The following RNF126 variants were observed in gnomAD, a reference collection of about 807,000 sequenced individuals.
RNF126 encodes ring finger protein 126.
Under a neutral mutation model 41.9 loss-of-function variants are expected in RNF126, and 20 were observed. That is an observed-to-expected ratio of 0.48 (90% CI 0.34 to 0.69). The LOEUF (loss-of-function observed/expected upper bound fraction) is 0.69. RNF126 is among the 30% of genes least tolerant of loss of function. RNF126 has a pLI of 0.01. For missense variants in RNF126, 433 were observed against 460.6 expected (o/e 0.94, Z 0.55); for synonymous variants, 239 against 202.9 (o/e 1.18, Z -1.51).
Position 650,242 on chromosome 19 carries a change from C to T in RNF126, c.498G>A (p.Leu166=). Reference sequence around the variant, plus strand: ...CACCCCCACCCACTCACCAGGGGCCCAGGCTGGGGATGGTGGCGGGCGTGA... The same window carrying T: ...CACCCCCACCCACTCACCAGGGGCCTAGGCTGGGGATGGTGGCGGGCGTGA... ...GIITPATIPS[L]GPWGVLHSNP... Residue 166 remains leucine, a synonymous_variant, in exon 5 of 9, where the codon CTG becomes CTA. Coordinates refer to ENST00000292363, the MANE Select transcript of RNF126 (RefSeq NM_194460.3). 6.3e-7 allele frequency: 1 copy of T among 1,579,610 alleles called. No individual in the cohort carries two copies. Among genetic ancestry groups the T allele is most frequent in the African/African-American group, 1.3e-5 (1 of 74,886 alleles).
rs1441300614 is a variant in RNF126 at position 651,592 on chromosome 19, A to AC, written c.443+18dup. ...CTCAAGGCGTGGGGCCCTCGCGGCC[A>AC]CCCCCGGGGCCCCCTCACCCTTCCA... is the stretch of plus-strand genomic sequence containing the variant. On this transcript the variant is annotated intron_variant, in intron 4 of 8. Transcript: ENST00000292363. 1 of 1,397,374 alleles carries AC rather than the reference A, an allele frequency of 7.2e-7. No individual in the cohort carries two copies. The highest frequency in any genetic ancestry group is 1.6e-5 in the South Asian group (1 of 62,362). 86.6% of individuals were successfully genotyped at this position (1,397,374 alleles called of 1,614,324 possible). A position where few individuals can be genotyped will look rare whatever the true frequency, so the allele number is the denominator to read the frequency against.
At position 651,502 on chromosome 19, in the gene RNF126, A is replaced by G. The variant is rs941513265; in HGVS notation, c.443+109T>C. 3.1e-5 allele frequency: 36 copies of G among 1,161,402 alleles called. No homozygotes were observed. The African/African-American group carries it at 5.4e-4, about 17-fold the overall frequency. 71.9% of individuals were successfully genotyped at this position (1,161,402 alleles called of 1,614,324 possible). ...GCCTGGCCGGGCGGCCTCTCCAGAG[A>G]GCCTATGGATGATGCCACGTTTCCG... On this transcript the variant is annotated intron_variant, in intron 4 of 8. Transcript: ENST00000292363.
chr19:662,182 G>A (rs1462886893), intron 1 of RNF126, among the ~76,000 whole-genome samples: 1 of 152,148 alleles, frequency 6.6e-6, no homozygotes, highest in Admixed American at 6.5e-5. Flanking sequence ...GCAGACTGCT[G>A]AGCGCATTCC....
intron 1 of RNF126, among the ~76,000 whole-genome samples, chr19:657,975 G>C (rs1471952672): frequency 6.6e-6 from 1 of 152,064 alleles, no homozygotes; most frequent in Non-Finnish European, 1.5e-5. Flanking sequence ...CTGGGCAAGG[G>C]GGCCTGGTGA....
intron 1 of RNF126, among the ~76,000 whole-genome samples, chr19:657,638 G>A (rs1206123602): frequency 1.3e-5 from 2 of 152,222 alleles, no homozygotes; most frequent in South Asian, 2.1e-4. Context: ...ACAGAGGACA[G>A]CCTGGACACT....
intron 1 of RNF126, among the ~76,000 whole-genome samples, chr19:658,354 G>A (rs187640705): frequency 1.3e-5 from 2 of 150,220 alleles, no homozygotes; most frequent in Admixed American, 6.6e-5. Context: ...GGCCCCAGAT[G>A]ACTGACAGTG....
chr19:649,224 G>A (rs2030140323), intron 6 of RNF126: 1 of 257,566 alleles, frequency 3.9e-6, no homozygotes, highest in African/African-American at 2.2e-5. Flanking sequence ...GCGGAATGGG[G>A]GGGGGGGCCG....
At chr19:655,794 C>T (rs754431578) in intron 1 of RNF126, among the ~76,000 whole-genome samples, 1 of 152,122 alleles carries the variant, frequency 6.6e-6, no homozygotes, top group Admixed American at 6.6e-5. Flanking sequence ...TCATCGTCGT[C>T]GGCAGATGCA....
Position 648,377 on chromosome 19 carries a change from C to G in RNF126, c.781G>C (p.Glu261Gln). Residue 261 changes from glutamate to glutamine, a missense_variant, in exon 8 of 9, where the codon GAG (glutamate) becomes CAG (glutamine). Around this residue, in one of 5 missense-constraint regions of RNF126, gnomAD observed 97 missense variants for 121.7 expected, o/e 0.80. Coordinates refer to ENST00000292363, the MANE Select transcript of RNF126 (RefSeq NM_194460.3). Reference protein sequence around the residue: ...FHDGCIVPWLEQHDSCPVCRK... With the variant: ...FHDGCIVPWLQQHDSCPVCRK... ...CGGGTGGGCGGGGCACTCACCTGCT[C>G]CAGCCAGGGCACGATGCAGCCGTCG... 6.5e-7 allele frequency: 1 copy of G among 1,541,512 alleles called. No individual in the cohort carries two copies. The highest frequency in any genetic ancestry group is 2.4e-5 in the East Asian group (1 of 40,938).
At chr19:654,477 T>C (rs930968605) in intron 1 of RNF126, among the ~76,000 whole-genome samples, 5 of 149,562 alleles carry the variant, frequency 3.3e-5, no homozygotes, top group Middle Eastern at 3.4e-3. Context: ...ACTCTGTCTC[T>C]ACTAAAAATA....
intron 2 of RNF126, chr19:652,550 C>G: frequency 1.7e-6 from 1 of 602,456 alleles, no homozygotes; most frequent in South Asian, 2.0e-5. Flanking sequence ...CCCCGTGGCC[C>G]CTTCCCCGGA....
At position 648,330 on chromosome 19, in the gene RNF126, G is replaced by A. The variant is rs760946670; in HGVS notation, c.786+42C>T. ...AGAAGGGGCAGGTTAGAGGCGGGAG[G>A]GCCGCGGTCGGGGTGGGGGGGCGGG... On this transcript the variant is annotated intron_variant, in intron 8 of 8. Coordinates refer to ENST00000292363, the MANE Select transcript of RNF126 (RefSeq NM_194460.3). 16 of 1,522,590 alleles carry A rather than the reference G, an allele frequency of 1.1e-5. No homozygotes were observed. In the African/African-American group the frequency reaches 1.9e-4, roughly 18 times the overall value. 94.3% of individuals were successfully genotyped at this position (1,522,590 alleles called of 1,614,324 possible). A position where few individuals can be genotyped will look rare whatever the true frequency, so the allele number is the denominator to read the frequency against.
chr19:656,294 G>A (rs527503491), intron 1 of RNF126, among the ~76,000 whole-genome samples: 13 of 152,130 alleles, frequency 8.5e-5, no homozygotes, highest in Middle Eastern at 6.8e-3. Context: ...AGGCTGCAGT[G>A]AGCCAAGATT....
intron 1 of RNF126, among the ~76,000 whole-genome samples, chr19:656,809 G>A (rs1297498216): frequency 6.6e-6 from 1 of 152,136 alleles, no homozygotes; most frequent in Non-Finnish European, 1.5e-5. Context: ...GGATTGGGAC[G>A]CCCCACGTAA....
Position 663,149 on chromosome 19 carries a change from CG to C in RNF126, c.-29del, listed in dbSNP as rs1157231299. On this transcript the variant is annotated 5_prime_UTR_variant, in exon 1 of 9. Transcript: ENST00000292363. Reference sequence around the variant, plus strand: ...CCGCCGCCACCTACTCCGCGCCGCCCGCCCCCCGCGCGGCACCCGCCGCCGG... The same window carrying C: ...CCGCCGCCACCTACTCCGCGCCGCCCCCCCCCGCGCGGCACCCGCCGCCGG... The C allele has an allele frequency of 1.7e-5, 19 of 1,138,216 alleles. No homozygotes were observed. The African/African-American group carries it at 2.0e-4, about 12-fold the overall frequency. The allele number at this position is 1,138,216 out of a possible 1,614,324, so 70.5% of individuals were successfully genotyped here. A position where few individuals can be genotyped will look rare whatever the true frequency, so the allele number is the denominator to read the frequency against.
intron 1 of RNF126, among the ~76,000 whole-genome samples, chr19:662,382 G>A (rs1260414414): frequency 2.0e-5 from 3 of 152,298 alleles, no homozygotes; most frequent in Non-Finnish European, 2.9e-5. Flanking sequence ...ACACCTGGAG[G>A]AAGGGTGGGC....
intron 6 of RNF126, 132 bp from the exon 7 acceptor site, chr19:649,107 C>T: frequency 4.7e-6 from 2 of 427,894 alleles, no homozygotes; most frequent in Non-Finnish European, 8.0e-6. Context: ...TTGGAGCCCG[C>T]CCGGGGTCGG....
chr19:654,452 G>A (rs1251372107), intron 1 of RNF126, among the ~76,000 whole-genome samples: 1 of 151,676 alleles, frequency 6.6e-6, no homozygotes, highest in Non-Finnish European at 1.5e-5. Context: ...AGACCAGCCT[G>A]GCCAACATGG....
At chr19:662,494 G>T (rs1442670229) in intron 1 of RNF126, among the ~76,000 whole-genome samples, 2 of 152,128 alleles carry the variant, frequency 1.3e-5, no homozygotes, top group Non-Finnish European at 2.9e-5. Context: ...GGCGTTCCGG[G>T]CCTGGGCCTG....
Sources: allele counts gnomAD v4.1 joint callset (sites outside exome capture counted in the v4.1 genomes callset), GRCh38; gene constraint gnomAD v4.1.1; regional missense constraint gnomAD v4.1.1; transcripts MANE v1.5; gene names NCBI Gene and HGNC (gene_info 2026-07-23, HGNC 2026-07-21).